ADAMTSL1: variants seen among roughly 807,000 people sequenced by gnomAD.
The protein encoded by ADAMTSL1 is ADAMTS like 1, also known as ADAMTS-like protein 1.
A neutral mutation model predicts 201.8 loss-of-function variants in ADAMTSL1; 126 were observed. That is an observed-to-expected ratio of 0.62 (90% CI 0.54 to 0.72). The LOEUF (loss-of-function observed/expected upper bound fraction) is 0.72. ADAMTSL1 is among the 30% of genes least tolerant of loss of function. The pLI is 0.00. For missense variants in ADAMTSL1, 2,679 were observed against 2,277.8 expected, an observed-to-expected ratio of 1.18 and a Z score of -3.59; for synonymous variants, 1,121 against 903.4, an observed-to-expected ratio of 1.24 and a Z score of -4.32.
chr9:18,872,020 C>A (rs913041702), intron 23 of ADAMTSL1, among the ~76,000 whole-genome samples: 1 of 152,168 alleles, frequency 6.6e-6, no homozygotes, highest in African/African-American at 2.4e-5. Context: ...CAAGTTCCAA[C>A]CAAGTCAGTA....
intron 15 of ADAMTSL1, among the ~76,000 whole-genome samples, chr9:18,728,651 G>A (rs892918136): frequency 1.3e-5 from 2 of 152,182 alleles, no homozygotes; most frequent in Admixed American, 6.5e-5. Context: ...CTGAGAGAAG[G>A]CTTCCTGGAG....
chr9:18,694,068 G>T (rs1587916532), intron 13 of ADAMTSL1, among the ~76,000 whole-genome samples: 1 of 152,250 alleles, frequency 6.6e-6, no homozygotes, highest in Non-Finnish European at 1.5e-5. Context: ...AGACAAGGAG[G>T]AAGAGGGCAA....
At chr9:18,139,874 G>T (rs994335604) in intron 1 of ADAMTSL1, among the ~76,000 whole-genome samples, 1 of 152,112 alleles carries the variant, frequency 6.6e-6, no homozygotes, top group Non-Finnish European at 1.5e-5. Context: ...GGTTTCTTAT[G>T]ATTTCAGCCA....
chr9:18,271,920 T>G (rs1048414505), intron 2 of ADAMTSL1, among the ~76,000 whole-genome samples: 2 of 151,982 alleles, frequency 1.3e-5, no homozygotes, highest in Non-Finnish European at 2.9e-5. Flanking sequence ...ATTTCTCTGA[T>G]GGCCAGTGAT....
rs1181828278 is a variant in ADAMTSL1 at position 18,265,541 on chromosome 9, G to A, written c.207+101560G>A. Among the ~76,000 whole-genome samples, 4 of 152,068 alleles carry A rather than the reference G, an allele frequency of 2.6e-5. No individual in the cohort carries two copies. The East Asian group carries it at 7.7e-4, about 29-fold the overall frequency. ...AATAGAGTCTCAGTAACTATTTATT[G>A]AATGACTGAATGAATAAGCTATGGT... is the stretch of plus-strand genomic sequence containing the variant. On this transcript the variant is annotated intron_variant, in intron 2 of 29. Transcript: ENST00000680146.
chr9:18,116,732 A>G (rs1324867072), intron 1 of ADAMTSL1, among the ~76,000 whole-genome samples: 1 of 152,130 alleles, frequency 6.6e-6, no homozygotes, highest in Non-Finnish European at 1.5e-5. Context: ...TATTATGATT[A>G]TACTTTAAGT....
intron 2 of ADAMTSL1, among the ~76,000 whole-genome samples, chr9:18,386,154 ACTGT>A (rs1322083307): frequency 1.3e-5 from 2 of 152,168 alleles, no homozygotes; most frequent in Non-Finnish European, 2.9e-5. Flanking sequence ...TTTAGGACTC[ACTGT>A]CTAAGAGTTG....
chr9:18,039,377 C>A (rs1383178120), intron 1 of ADAMTSL1, among the ~76,000 whole-genome samples: 4 of 152,148 alleles, frequency 2.6e-5, no homozygotes, highest in Non-Finnish European at 5.9e-5. Context: ...ACGGATAATG[C>A]CTTCCTACAG....
Position 18,136,444 on chromosome 9 carries a change from C to T in ADAMTSL1, c.88-27418C>T, listed in dbSNP as rs78346864. 8.0e-3 allele frequency among the ~76,000 whole-genome samples: 1,222 copies of T among 151,952 alleles called. 24 individuals carry two copies. The highest frequency in any genetic ancestry group is 0.028 in the African/African-American group (1,161 of 41,440). On this transcript the variant is annotated intron_variant, in intron 1 of 29. Transcript: ENST00000680146. ...AGGTGTTAGGGCTATAATATTAACA[C>T]GAAAAACAGTCCCTGACGTTGTAGG...
At chr9:17,976,915 A>C (rs962706988) in intron 1 of ADAMTSL1, among the ~76,000 whole-genome samples, 1 of 151,818 alleles carries the variant, frequency 6.6e-6, no homozygotes, top group Non-Finnish European at 1.5e-5. Flanking sequence ...TTCCTTCCTG[A>C]TCTTAGAGAA....
In ADAMTSL1 at chr9:18,574,199, C is replaced by T; in HGVS notation, c.407C>T (p.Pro136Leu). 1 of 1,614,134 alleles carries T rather than the reference C, an allele frequency of 6.2e-7. No individual in the cohort carries two copies. Among genetic ancestry groups the T allele is most frequent in the Non-Finnish European group, 8.5e-7 (1 of 1,180,022 alleles). Residue 136 changes from proline (P) to leucine (L), a missense_variant, in exon 4 of 29, where the codon CCT becomes CTT. Physicochemically the swap from Pro to Leu is moderately conservative, Grantham distance 98. Transcript: ENST00000380548. ...ACAACCCTGGTTGTTGAACTAGCAC[C>T]TAAGGTCTTAGATGGTACGCGTTGC... The part of the protein sequence containing the change: ...KGTTLVVELA[P>L]KVLDGTRCYT...
intron 4 of ADAMTSL1, among the ~76,000 whole-genome samples, chr9:18,606,583 T>A (rs1825026055): frequency 6.6e-6 from 1 of 152,170 alleles, no homozygotes; most frequent in Non-Finnish European, 1.5e-5. Flanking sequence ...GTAATAGGAA[T>A]GACATTTTTT....
chr9:18,725,141 C>T (rs1264515768), intron 15 of ADAMTSL1, among the ~76,000 whole-genome samples: 7 of 152,110 alleles, frequency 4.6e-5, no homozygotes, highest in African/African-American at 1.4e-4. Flanking sequence ...CTCCTGACCT[C>T]GTGATCTGCC....
At chr9:18,328,570 G>C (rs1027157884) in intron 2 of ADAMTSL1, among the ~76,000 whole-genome samples, 1 of 152,184 alleles carries the variant, frequency 6.6e-6, no homozygotes, top group African/African-American at 2.4e-5. Context: ...TACCCAGAAG[G>C]GATAGAGAAC....
At position 18,828,658 on chromosome 9, in the gene ADAMTSL1, A is replaced by ATTT. The variant is rs766423543; in HGVS notation, c.4115-1184_4115-1182dup. On this transcript the variant is annotated intron_variant, in intron 22 of 28. Transcript: ENST00000380548. The stretch of plus-strand genomic sequence containing the variant: ...ATGAAAAGGATTCTTTTGAAAGTAT[A>ATTT]TTTATATATATATATATATATATAT... Among the ~76,000 whole-genome samples, 39 of 54,404 alleles carry ATTT rather than the reference A, an allele frequency of 7.2e-4. 1 individual carries two copies. The highest frequency in any genetic ancestry group is 1.8e-3 in the African/African-American group (25 of 13,766). The allele number at this position is 54,404 out of a possible 152,430, so 35.7% of individuals were successfully genotyped here. A position where few individuals can be genotyped will look rare whatever the true frequency, so the allele number is the denominator to read the frequency against.
chr9:18,101,820 T>G (rs1188164100), intron 1 of ADAMTSL1, among the ~76,000 whole-genome samples: 1 of 152,196 alleles, frequency 6.6e-6, no homozygotes, highest in Non-Finnish European at 1.5e-5. Flanking sequence ...TCGGCTCTAG[T>G]GTGCGTATGC....
intron 1 of ADAMTSL1, among the ~76,000 whole-genome samples, chr9:18,116,584 CAAT>C (rs1825259707): frequency 6.6e-6 from 1 of 152,098 alleles, no homozygotes; most frequent in South Asian, 2.1e-4. Context: ...AGTAGTTCTC[CAAT>C]GAGTCATGTG....
At chr9:18,733,720 C>A (rs1023974409) in intron 15 of ADAMTSL1, among the ~76,000 whole-genome samples, 2 of 149,802 alleles carry the variant, frequency 1.3e-5, no homozygotes, top group African/African-American at 2.5e-5. Flanking sequence ...GGGTCCTTGC[C>A]TCCTTTTCTG....
At chr9:18,590,787 C>T (rs1190892007) in intron 4 of ADAMTSL1, among the ~76,000 whole-genome samples, 2 of 152,072 alleles carry the variant, frequency 1.3e-5, no homozygotes, top group African/African-American at 2.4e-5. Flanking sequence ...CATTCAGGAG[C>T]ATATTTAATT....
Sources: gnomAD v4.1 joint callset for allele counts (sites outside exome capture counted in the v4.1 genomes callset) on GRCh38, gnomAD v4.1.1 for gene constraint, MANE v1.5 for transcripts, NCBI Gene and HGNC (gene_info 2026-07-23, HGNC 2026-07-21) for gene names.